Variants in SPON1 observed in about 807,000 individuals in gnomAD.
SPON1 encodes the protein spondin 1.
Under a neutral mutation model 111.7 loss-of-function variants are expected in SPON1, and 52 were observed. The ratio of observed to expected loss-of-function variants is 0.47; its 90% confidence interval spans 0.37 to 0.59. The LOEUF (loss-of-function observed/expected upper bound fraction) is 0.59. Among genes scored for constraint, SPON1 ranks in the 20% least tolerant of loss-of-function variants. SPON1 has a pLI of 0.00. For synonymous variants in SPON1, 410 were observed against 395.8 expected, an observed-to-expected ratio of 1.04 and a Z score of -0.43; for missense variants, 957 against 1,068.5, an observed-to-expected ratio of 0.90 and a Z score of 1.46.
Position 14,259,064 on chromosome 11 carries a change from A to AGAT in SPON1, c.1493-215_1493-213dup, listed in dbSNP as rs1849141531. ...AGCATCTTTCGAATGTATTTTCATG[A>AGAT]GATAAAGAGTAATTCTGAGTGTCCC... On this transcript the variant is annotated intron_variant, in intron 11 of 15. Coordinates refer to ENST00000576479, the MANE Select transcript of SPON1 (RefSeq NM_006108.4). The surrounding 1 kb of genome is among the most constrained non-coding windows in gnomAD (Gnocchi z 5.0). Among the ~76,000 whole-genome samples the AGAT allele has an allele frequency of 6.6e-6, 1 of 152,218 alleles. No homozygotes were observed. Among genetic ancestry groups the AGAT allele is most frequent in the South Asian group, 2.1e-4 (1 of 4,838 alleles).
intron 6 of SPON1, among the ~76,000 whole-genome samples, chr11:14,229,762 A>G (rs11023153): frequency 0.022 from 3,290 of 152,288 alleles, 126 homozygotes; most frequent in African/African-American, 0.076. Context: ...TGCGCAGCAT[A>G]TAAGTGACCA....
chr11:14,044,879 C>T (rs1313275824), intron 3 of SPON1, among the ~76,000 whole-genome samples: 1 of 152,104 alleles, frequency 6.6e-6, no homozygotes, highest in East Asian at 1.9e-4. Context: ...ACAAAGCTAC[C>T]TCTTTTTGTT....
At chr11:14,204,661 T>G (rs1848498564) in intron 6 of SPON1, among the ~76,000 whole-genome samples, 1 of 151,742 alleles carries the variant, frequency 6.6e-6, no homozygotes, top group Admixed American at 6.6e-5. Context: ...GTCTGCAGGA[T>G]TAAATTCAGA....
Position 14,065,814 on chromosome 11 carries a change from C to T in SPON1, c.480-9531C>T, listed in dbSNP as rs545703484. On this transcript the variant is annotated intron_variant, in intron 3 of 15. Coordinates refer to ENST00000576479, the MANE Select transcript of SPON1 (RefSeq NM_006108.4). ...CACTTGTGCACATCAAACAAAATTT[C>T]ATCATCCTAAAACCTGTCTGCAAAC... is the stretch of plus-strand genomic sequence containing the variant. Among the ~76,000 whole-genome samples, 12 of 152,320 alleles carry T rather than the reference C, an allele frequency of 7.9e-5. No individual in the cohort carries two copies. In the South Asian group the frequency reaches 2.1e-3, roughly 26 times the overall value.
intron 6 of SPON1, among the ~76,000 whole-genome samples, chr11:14,178,045 A>C (rs10832227): frequency 2.5e-3 from 361 of 142,588 alleles, no homozygotes; most frequent in Non-Finnish European, 3.8e-3. Context: ...CACACACACA[A>C]ACACACACAC....
At chr11:14,144,904 C>T (rs1486785522) in intron 6 of SPON1, among the ~76,000 whole-genome samples, 1 of 152,034 alleles carries the variant, frequency 6.6e-6, no homozygotes, top group East Asian at 1.9e-4. Flanking sequence ...CAAATGGCCC[C>T]CAAGGGTGCC....
Position 14,250,366 on chromosome 11 carries a change from GT to G in SPON1, c.891-4150del, listed in dbSNP as rs146125765. On this transcript the variant is annotated intron_variant, in intron 7 of 15. Coordinates refer to ENST00000576479, the MANE Select transcript of SPON1 (RefSeq NM_006108.4). ...TTATTTTCTATTTGACTCTGGGTCT[GT>G]TTTTTTTTTTTCTTGTGTGGTATAT... is the stretch of plus-strand genomic sequence containing the variant. Among the ~76,000 whole-genome samples the G allele has an allele frequency of 5.6e-3, 750 of 133,798 alleles. 3 individuals are homozygous for G. Among genetic ancestry groups the G allele is most frequent in the African/African-American group, 6.6e-3 (243 of 36,636 alleles). The allele number at this position is 133,798 out of a possible 152,430, so 87.8% of individuals were successfully genotyped here. A position where few individuals can be genotyped will look rare whatever the true frequency, so the allele number is the denominator to read the frequency against.
chr11:14,183,320 GAA>G (rs1422151600), intron 6 of SPON1, among the ~76,000 whole-genome samples: 2 of 152,174 alleles, frequency 1.3e-5, no homozygotes, highest in Non-Finnish European at 2.9e-5. Flanking sequence ...AGAAGCCAAA[GAA>G]GAGCTATTTT....
chr11:14,213,261 T>C (rs1848594319), intron 6 of SPON1, among the ~76,000 whole-genome samples: 1 of 152,148 alleles, frequency 6.6e-6, no homozygotes, highest in Non-Finnish European at 1.5e-5. Context: ...GTAGAAAAAA[T>C]GGTCAGAAAA....
chr11:14,176,706 C>A (rs1329179239), intron 6 of SPON1, among the ~76,000 whole-genome samples: 1 of 152,132 alleles, frequency 6.6e-6, no homozygotes, highest in Non-Finnish European at 1.5e-5. Context: ...CACATTGGGT[C>A]GGCAGTGCCC....
At chr11:14,226,413 AAC>A (rs1848739412) in intron 6 of SPON1, among the ~76,000 whole-genome samples, 2 of 152,240 alleles carry the variant, frequency 1.3e-5, no homozygotes, top group Non-Finnish European at 2.9e-5. Context: ...AAATGCTGGC[AAC>A]ACAGTACACT....
At chr11:14,143,643 A>T (rs1847683753) in intron 6 of SPON1, among the ~76,000 whole-genome samples, 1 of 151,930 alleles carries the variant, frequency 6.6e-6, no homozygotes, top group African/African-American at 2.4e-5. Flanking sequence ...CAAGAATTAG[A>T]CTGAGTTGCA....
intron 2 of SPON1, among the ~76,000 whole-genome samples, chr11:14,011,627 A>T (rs915350922): frequency 1.3e-5 from 2 of 152,050 alleles, no homozygotes; most frequent in Admixed American, 6.6e-5. Context: ...ATTCTTCTAC[A>T]TGGCTTATGA....
intron 1 of SPON1, 140 bp from the exon 2 acceptor site, chr11:13,982,707 G>A: frequency 1.6e-6 from 1 of 630,130 alleles, no homozygotes; most frequent in Non-Finnish European, 2.8e-6. Flanking sequence ...TCACCTCAAT[G>A]GATGAAGGCC....
intron 6 of SPON1, among the ~76,000 whole-genome samples, chr11:14,152,862 T>G (rs1224388102): frequency 6.6e-6 from 1 of 152,194 alleles, no homozygotes; most frequent in Non-Finnish European, 1.5e-5. Flanking sequence ...GGGGGTTTCC[T>G]CTGTTTCAGT....
intron 1 of SPON1, among the ~76,000 whole-genome samples, chr11:13,973,249 G>A (rs1848077125): frequency 6.6e-6 from 1 of 152,206 alleles, no homozygotes. Flanking sequence ...ATGGCATGGA[G>A]ATAGACTGGA....
chr11:13,972,559 C>G (rs1183466875), intron 1 of SPON1, among the ~76,000 whole-genome samples: 2 of 152,162 alleles, frequency 1.3e-5, no homozygotes, highest in Non-Finnish European at 2.9e-5. Flanking sequence ...TATTGAGCAA[C>G]TCAGAGTCTA....
At chr11:14,106,752 T>A (rs1272924816) in intron 5 of SPON1, among the ~76,000 whole-genome samples, 1 of 152,164 alleles carries the variant, frequency 6.6e-6, no homozygotes, top group Non-Finnish European at 1.5e-5. Context: ...AGCCCTGCAG[T>A]AAAGCTGATC....
intron 4 of SPON1, among the ~76,000 whole-genome samples, chr11:14,077,983 A>G (rs1848931790): frequency 6.6e-6 from 1 of 152,182 alleles, no homozygotes; most frequent in African/African-American, 2.4e-5. Context: ...TCAAGTAGAA[A>G]TGGGGAGAGA....
Sources: allele counts gnomAD v4.1 joint callset (sites outside exome capture counted in the v4.1 genomes callset), GRCh38; gene constraint gnomAD v4.1.1; non-coding constraint Gnocchi (gnomAD v3.1); transcripts MANE v1.5; gene names NCBI Gene and HGNC (gene_info 2026-07-23, HGNC 2026-07-21).